Variants in OR7C1 observed in about 807,000 individuals in gnomAD.
OR7C1 encodes the protein olfactory receptor family 7 subfamily C member 1.
For synonymous variants in OR7C1, 152 were observed against 160.7 expected (o/e 0.95, Z 0.41); for missense variants, 324 against 383.3 (o/e 0.85, Z 1.29).
chr19:14,807,581 C>G (rs1337293290), intron 2 of OR7C1, among the ~76,000 whole-genome samples: 1 of 151,764 alleles, frequency 6.6e-6, no homozygotes, highest in Non-Finnish European at 1.5e-5. Flanking sequence ...TAGAGTAAAC[C>G]CTTGTGCCTC....
At chr19:14,824,338 G>A (rs758101057) in intron 1 of OR7C1, 8 of 152,224 alleles carry the variant, frequency 5.3e-5, no homozygotes, top group Non-Finnish European at 1.0e-4. Context: ...CAGGTAGTGA[G>A]TACCCAAGAG....
At chr19:14,833,610 T>A (rs1016381246) in intron 1 of OR7C1, among the ~76,000 whole-genome samples, 7 of 152,232 alleles carry the variant, frequency 4.6e-5, no homozygotes, top group African/African-American at 1.4e-4. Flanking sequence ...AACTAAAGAA[T>A]ATTTTAAACT....
At chr19:14,827,597 A>G in intron 1 of OR7C1, 1 of 1,614,184 alleles carries the variant, frequency 6.2e-7, no homozygotes. Flanking sequence ...AGTAAGAGTA[A>G]AGGATCCCAG....
At chr19:14,806,334 C>T (rs1350263739) in intron 2 of OR7C1, among the ~76,000 whole-genome samples, 1 of 151,956 alleles carries the variant, frequency 6.6e-6, no homozygotes, top group African/African-American at 2.4e-5. Flanking sequence ...TTAAGAGAAA[C>T]AGTCATTAAT....
chr19:14,834,913 C>T (rs761044649), intron 1 of OR7C1, among the ~76,000 whole-genome samples, 161 bp downstream of exon 1: 27 of 152,158 alleles, frequency 1.8e-4, no homozygotes, highest in Admixed American at 6.5e-5. Context: ...CATCATAAAA[C>T]GAGACATTAC....
At chr19:14,812,996 C>T (rs528815044) in intron 1 of OR7C1, among the ~76,000 whole-genome samples, 15 of 146,914 alleles carry the variant, frequency 1.0e-4, no homozygotes, top group South Asian at 8.7e-4. Context: ...ACCTGGGAGG[C>T]GGAGGTTGCA....
intron 1 of OR7C1, among the ~76,000 whole-genome samples, chr19:14,820,555 TAAAGA>T (rs1229724840): frequency 6.6e-6 from 1 of 151,440 alleles, no homozygotes; most frequent in Non-Finnish European, 1.5e-5. Flanking sequence ...TCCCAGACCT[TAAAGA>T]AAAAAAATCA....
intron 2 of OR7C1, among the ~76,000 whole-genome samples, chr19:14,804,679 C>G (rs1026982640): frequency 1.3e-5 from 2 of 151,660 alleles, no homozygotes; most frequent in Non-Finnish European, 2.9e-5. Flanking sequence ...GATAACGAGT[C>G]GCAGGGACTG....
At chr19:14,823,944 G>T (rs2044753337) in intron 1 of OR7C1, among the ~76,000 whole-genome samples, 1 of 150,892 alleles carries the variant, frequency 6.6e-6, no homozygotes, top group African/African-American at 2.5e-5. Flanking sequence ...ATAAAAATTG[G>T]CTGTAAATTC....
intron 1 of OR7C1, among the ~76,000 whole-genome samples, chr19:14,830,001 C>T (rs2044815414): frequency 6.6e-6 from 1 of 152,164 alleles, no homozygotes; most frequent in Admixed American, 6.5e-5. Context: ...TAGTTGGGAC[C>T]ACAGCCATGT....
At position 14,798,955 on chromosome 19, in the gene OR7C1, T is replaced by C. The variant is rs114073309; in HGVS notation, c.*219A>G. On this transcript the variant is annotated 3_prime_UTR_variant, in exon 5 of 5. Transcript: ENST00000641666. Reference sequence around the variant, plus strand: ...CAGCTCGATTTTTCAGGCTGTTCTTTGTTAGAAAAGAAATGATTTTGAGGG... The same window carrying C: ...CAGCTCGATTTTTCAGGCTGTTCTTCGTTAGAAAAGAAATGATTTTGAGGG... The C allele has an allele frequency of 1.8e-3, 850 of 469,858 alleles. 8 individuals are homozygous for C. Among genetic ancestry groups the C allele is most frequent in the African/African-American group, 0.015 (774 of 49,950 alleles). The allele number at this position is 469,858 out of a possible 1,614,324, so 29.1% of individuals were successfully genotyped here. A position where few individuals can be genotyped will look rare whatever the true frequency, so the allele number is the denominator to read the frequency against.
chr19:14,799,937 G>C (rs774471083), exon 5 of OR7C1: 10 of 1,614,062 alleles, frequency 6.2e-6, no homozygotes. Context: ...GTCAGCAAAA[G>C]ACAGGTTGGA....
intron 1 of OR7C1, among the ~76,000 whole-genome samples, chr19:14,833,985 C>T (rs117735953): frequency 1.1e-4 from 16 of 152,222 alleles, no homozygotes; most frequent in Middle Eastern, 3.4e-3. Flanking sequence ...ACAGGCTGGG[C>T]GTGGTGGCAC....
chr19:14,814,571 C>T (rs1253188911), intron 1 of OR7C1, among the ~76,000 whole-genome samples: 1 of 152,006 alleles, frequency 6.6e-6, no homozygotes, highest in Non-Finnish European at 1.5e-5. Context: ...TTAAAGGCAC[C>T]CACCACCATG....
intron 1 of OR7C1, among the ~76,000 whole-genome samples, chr19:14,833,194 A>G (rs542421455): frequency 2.8e-4 from 42 of 152,186 alleles, no homozygotes; most frequent in African/African-American, 9.9e-4. Flanking sequence ...AAACTTCAAT[A>G]TCGGCCAGGT....
intron 1 of OR7C1, among the ~76,000 whole-genome samples, chr19:14,821,732 C>A (rs576030132): frequency 6.6e-6 from 1 of 152,302 alleles, no homozygotes; most frequent in Admixed American, 6.5e-5. Flanking sequence ...CTATTTAAAT[C>A]TTACGTACCA....
chr19:14,802,640 CAAAT>C, intron 2 of OR7C1, among the ~76,000 whole-genome samples: 1 of 152,292 alleles, frequency 6.6e-6, no homozygotes, highest in African/African-American at 2.4e-5. Context: ...CATTTAAAGA[CAAAT>C]GAACTATCCA....
chr19:14,802,867 C>T (rs1321128181), intron 2 of OR7C1, among the ~76,000 whole-genome samples: 1 of 152,028 alleles, frequency 6.6e-6, no homozygotes, highest in African/African-American at 2.4e-5. Context: ...CGCAGACACC[C>T]AAAAAGTGGG....
At chr19:14,803,663 A>AC (rs1242874057) in intron 2 of OR7C1, among the ~76,000 whole-genome samples, 1 of 151,920 alleles carries the variant, frequency 6.6e-6, no homozygotes, top group Non-Finnish European at 1.5e-5. Context: ...GGGAAACCTT[A>AC]CCAAGGACTT....
Sources: allele counts gnomAD v4.1 joint callset (sites outside exome capture counted in the v4.1 genomes callset), GRCh38; gene constraint gnomAD v4.1.1; transcripts MANE v1.5; gene names NCBI Gene and HGNC (gene_info 2026-07-23, HGNC 2026-07-21).